The following MADD variants were observed in gnomAD, a reference collection of about 807,000 sequenced individuals.
MADD encodes MAP kinase activating death domain, also known as MAP kinase-activating death domain protein.
Under a neutral mutation model 176.7 loss-of-function variants are expected in MADD, and 109 were observed. That is an observed-to-expected ratio of 0.62 (90% CI 0.53 to 0.72). The LOEUF (loss-of-function observed/expected upper bound fraction) is 0.72. Among genes scored for constraint, MADD ranks in the 30% least tolerant of loss-of-function variants. The probability of loss-of-function intolerance (pLI) is 0.00; values close to 1 mark genes in which losing one functional copy is unlikely to be tolerated. For missense variants in MADD, 1,914 were observed against 2,045.5 expected (o/e 0.94, Z 1.24); for synonymous variants, 771 against 771.3 (o/e 1.00, Z 0.01).
intron 22 of MADD, among the ~76,000 whole-genome samples, chr11:47,302,505 C>G (rs1249399375): frequency 1.3e-5 from 2 of 152,234 alleles, no homozygotes; most frequent in African/African-American, 4.8e-5. Context: ...AGCCACCGTG[C>G]TCAGCCTCTT....
At chr11:47,309,567 G>T in exon 25 of MADD, 1 of 1,614,160 alleles carries the variant, frequency 6.2e-7, no homozygotes, top group Non-Finnish European at 8.5e-7. Context: ...ATCGCTTGTT[G>T]GCCACACTTC....
At chr11:47,322,275 A>G (rs911676395) in intron 27 of MADD, among the ~76,000 whole-genome samples, 3 of 152,078 alleles carry the variant, frequency 2.0e-5, no homozygotes, top group Admixed American at 6.6e-5. Flanking sequence ...GCCCTTCACC[A>G]TTGTGCTGTA....
chr11:47,300,046 G>C (rs1211167495), intron 22 of MADD, among the ~76,000 whole-genome samples: 1 of 151,988 alleles, frequency 6.6e-6, no homozygotes, highest in Non-Finnish European at 1.5e-5. Flanking sequence ...ATTGTTTTGA[G>C]GTATGTTCGC....
At chr11:47,290,542 C>T (rs557944520) in intron 18 of MADD, 68 bp from the exon 20 acceptor site, 1 of 1,491,132 alleles carries the variant, frequency 6.7e-7, no homozygotes, top group South Asian at 1.2e-5. Context: ...CCTGGCTCCT[C>T]CCACCTCATA....
chr11:47,283,080 AATTTT>A lies in MADD; in HGVS notation c.1862+126_1862+130del, dbSNP rs1448365586. ...ATAGGCTTCCCATATCAGTGTTTTT[AATTTT>A]ATTTTATTTTATTTATTTATTTTTT... On this transcript the variant is annotated intron_variant, in intron 10 of 32. Coordinates refer to ENST00000402192, the Ensembl canonical transcript of MADD. 27 of 889,914 alleles carry A rather than the reference AATTTT, an allele frequency of 3.0e-5. 1 individual carries two copies. The highest frequency in any genetic ancestry group is 4.0e-5 in the South Asian group (1 of 24,930). The allele number at this position is 889,914 out of a possible 1,614,324, so 55.1% of individuals were successfully genotyped here.
exon 27 of MADD, chr11:47,315,326 A>T: frequency 6.2e-7 from 1 of 1,603,614 alleles, no homozygotes; most frequent in Non-Finnish European, 8.5e-7. Context: ...TTTTTCATGG[A>T]GGTAGGTGCT....
intron 2 of MADD, 51 bp from the exon 3 acceptor site, chr11:47,274,511 GA>G (rs2048043829): frequency 7.1e-7 from 1 of 1,407,512 alleles, no homozygotes; most frequent in Non-Finnish European, 9.9e-7. Context: ...GTTAAAATTT[GA>G]TAGCCCATTC....
At position 47,281,823 on chromosome 11, in the gene MADD, G is replaced by A. The variant is rs553483174; in HGVS notation, c.1469+70G>A. 4.0e-5 allele frequency: 42 copies of A among 1,051,004 alleles called. No homozygotes were observed. The South Asian group carries it at 8.8e-4, about 22-fold the overall frequency. 65.1% of individuals were successfully genotyped at this position (1,051,004 alleles called of 1,614,324 possible). On this transcript the variant is annotated intron_variant, in intron 8 of 32. Transcript: ENST00000402192. ...TCTTTGCTCTCTAAGGGACCTTGGG[G>A]CAGACTATTTCTCTGAACCAGGGTT...
intron 22 of MADD, among the ~76,000 whole-genome samples, chr11:47,308,004 G>A (rs890414423): frequency 2.6e-5 from 4 of 152,234 alleles, no homozygotes; most frequent in African/African-American, 9.6e-5. Context: ...CTACTCAGAA[G>A]TAGCAGATGA....
At position 47,275,086 on chromosome 11, in the gene MADD, C is replaced by A. The variant is rs762807032; in HGVS notation, c.586C>A (p.Leu196Ile). 4 of 1,614,122 alleles carry A rather than the reference C, an allele frequency of 2.5e-6. No homozygotes were observed. Among genetic ancestry groups the A allele is most frequent in the Non-Finnish European group, 2.5e-6 (3 of 1,180,062 alleles). The change falls in exon 3 of 33, where the codon CTC (leucine) becomes ATC (isoleucine). Residue 196 changes from leucine to isoleucine, a missense_variant. Leu to Ile is a conservative substitution (Grantham distance 5). Around this residue, in one of 2 missense-constraint regions of MADD, gnomAD observed 1,767 missense variants for 1,836.0 expected, o/e 0.96. Transcript: ENST00000402192. ...CACCTTCCGAGAGTGTTTGTATACTCTCAAGCGCCTGGTGGACTGCTGTAG... is the reference window on the plus strand; with the variant it reads ...CACCTTCCGAGAGTGTTTGTATACTATCAAGCGCCTGGTGGACTGCTGTAG...
At chr11:47,324,983 G>GGTGTGCGTGCAGCTTGC in intron 30 of MADD, 1 of 570,878 alleles carries the variant, frequency 1.8e-6, no homozygotes, top group South Asian at 2.1e-5. Context: ...GTGTCTTTCT[G>GGTGTGCGTGCAGCTTGC]GTGTGCGTGC....
At chr11:47,301,435 A>G (rs11530168) in intron 22 of MADD, among the ~76,000 whole-genome samples, 16,763 of 151,930 alleles carry the variant, frequency 0.11, 1,077 homozygotes, top group South Asian at 0.23. Context: ...TTAAGTCTCA[A>G]GTTTTATTTC....
intron 26 of MADD, among the ~76,000 whole-genome samples, chr11:47,314,927 A>T (rs1198862529): frequency 1.1e-4 from 14 of 129,706 alleles, no homozygotes; most frequent in African/African-American, 2.3e-4. Context: ...ATTAATCATT[A>T]ATTGTTTTTA....
intron 29 of MADD, 55 bp downstream of exon 32, chr11:47,324,392 T>A (rs1303251200): frequency 5.0e-6 from 8 of 1,605,360 alleles, no homozygotes; most frequent in Non-Finnish European, 6.8e-6. Context: ...TCCTTCTGAG[T>A]GTCAGGGGCC....
At position 47,284,258 on chromosome 11, in the gene MADD, G is replaced by T. The variant is rs540783175; in HGVS notation, c.1943G>T (p.Cys648Phe). 2.4e-5 allele frequency: 38 copies of T among 1,614,094 alleles called. No homozygotes were observed. In the South Asian group the frequency reaches 4.1e-4, roughly 17 times the overall value. Residue 648 changes from cysteine (C) to phenylalanine (F), a missense_variant, in exon 11 of 33, where the codon TGT becomes TTT. Cys to Phe is a radical substitution (Grantham distance 205). Around this residue, in one of 2 missense-constraint regions of MADD, gnomAD observed 1,767 missense variants for 1,836.0 expected, o/e 0.96. Transcript: ENST00000402192. ...GACTTTGTCAGTGAAATGATGAAAT[G>T]TGACATTAATGGTGATACTCCCAGT...
chr11:47,296,201 C>A, intron 22 of MADD, 146 bp downstream of exon 24: 1 of 963,836 alleles, frequency 1.0e-6, no homozygotes, highest in Non-Finnish European at 1.5e-6. Flanking sequence ...TTAAGGAAAA[C>A]ATTTCTTAAG....
At chr11:47,301,012 T>A (rs2077287812) in intron 22 of MADD, among the ~76,000 whole-genome samples, 1 of 151,938 alleles carries the variant, frequency 6.6e-6, no homozygotes, top group East Asian at 1.9e-4. Context: ...TTGGTGGAGG[T>A]CTTTTCACTC....
chr11:47,290,790 A>G (rs755002826), exon 19 of MADD: 2 of 1,612,608 alleles, frequency 1.2e-6, no homozygotes, highest in African/African-American at 2.7e-5. Flanking sequence ...AGAAGTTTAA[A>G]GGAAGAAAAT....
At chr11:47,328,752 TG>T in intron 32 of MADD, 48 bp downstream of exon 36, 1 of 1,612,066 alleles carries the variant, frequency 6.2e-7, no homozygotes, top group Non-Finnish European at 8.5e-7. Context: ...CAGGGCTCCC[TG>T]GGGGACCTTC....
Sources: allele counts gnomAD v4.1 joint callset (sites outside exome capture counted in the v4.1 genomes callset), GRCh38; gene constraint gnomAD v4.1.1; regional missense constraint gnomAD v4.1.1; transcripts MANE v1.5; gene names NCBI Gene and HGNC (gene_info 2026-07-23, HGNC 2026-07-21).